Variants in KLHL1 observed in about 807,000 individuals in gnomAD.
The protein encoded by KLHL1 is kelch-like protein 1.
Under a neutral mutation model 77.7 loss-of-function variants are expected in KLHL1, and 47 were observed. The ratio of observed to expected loss-of-function variants is 0.60; its 90% CI spans 0.48 to 0.77. KLHL1 has a LOEUF of 0.77. KLHL1 is among the 30% of genes least tolerant of loss of function. The probability of loss-of-function intolerance (pLI) is 0.00; values close to 1 mark genes in which losing one functional copy is unlikely to be tolerated. For synonymous variants in KLHL1, 360 were observed against 325.2 expected (o/e 1.11, Z -1.15); for missense variants, 925 against 910.8 (o/e 1.02, Z -0.20).
chr13:69,889,389 C>T (rs115924884), intron 4 of KLHL1, among the ~76,000 whole-genome samples: 2,430 of 152,018 alleles, frequency 0.016, 67 homozygotes, highest in African/African-American at 0.055. Flanking sequence ...AAGAGGAGCT[C>T]GCATATAGTC....
chr13:69,758,824 CTA>C (rs1405939615), intron 7 of KLHL1, among the ~76,000 whole-genome samples: 11 of 152,132 alleles, frequency 7.2e-5, no homozygotes, highest in African/African-American at 2.6e-4. Flanking sequence ...TAAACCTAAA[CTA>C]TGTTTAATAA....
chr13:69,969,048 T>C (rs949589408), intron 2 of KLHL1, among the ~76,000 whole-genome samples: 1 of 95,948 alleles, frequency 1.0e-5, no homozygotes, highest in African/African-American at 3.8e-5. Context: ...TCTAAAACTT[T>C]TTAGGAGATT....
chr13:69,858,206 T>A (rs1002232454), intron 5 of KLHL1, among the ~76,000 whole-genome samples: 1 of 151,954 alleles, frequency 6.6e-6, no homozygotes, highest in East Asian at 1.9e-4. Flanking sequence ...GAAAAACATC[T>A]CCATCCACTA....
chr13:70,011,926 A>G (rs1290055634), intron 1 of KLHL1, among the ~76,000 whole-genome samples: 2 of 152,190 alleles, frequency 1.3e-5, no homozygotes, highest in Non-Finnish European at 2.9e-5. Flanking sequence ...AGGCTTCACA[A>G]TCATGGTGGA....
chr13:69,766,290 T>G (rs1205066863), intron 7 of KLHL1, among the ~76,000 whole-genome samples: 1 of 151,040 alleles, frequency 6.6e-6, no homozygotes, highest in Non-Finnish European at 1.5e-5. Context: ...CTACAAGAGT[T>G]GTTTTTCATT....
At chr13:69,856,847 T>C (rs1879938738) in intron 5 of KLHL1, among the ~76,000 whole-genome samples, 1 of 152,084 alleles carries the variant, frequency 6.6e-6, no homozygotes, top group Non-Finnish European at 1.5e-5. Context: ...AGATAAAATT[T>C]GGCCCATTTT....
At chr13:69,835,666 T>C (rs924112011) in intron 6 of KLHL1, among the ~76,000 whole-genome samples, 2 of 152,208 alleles carry the variant, frequency 1.3e-5, no homozygotes, top group Non-Finnish European at 2.9e-5. Flanking sequence ...AAATTAATTA[T>C]GACTTTAAAA....
intron 5 of KLHL1, among the ~76,000 whole-genome samples, chr13:69,860,737 C>T (rs1409542498): frequency 7.3e-6 from 1 of 136,630 alleles, no homozygotes; most frequent in Non-Finnish European, 1.6e-5. Context: ...TCAAAGTTTA[C>T]AAATTCTATT....
At chr13:69,980,934 ATG>A (rs1289010608) in intron 1 of KLHL1, among the ~76,000 whole-genome samples, 1 of 152,152 alleles carries the variant, frequency 6.6e-6, no homozygotes, top group Admixed American at 6.6e-5. Context: ...TCAGTTTGTT[ATG>A]TGTTTTTGTT....
chr13:69,873,000 AT>A (rs1343936172), intron 5 of KLHL1, among the ~76,000 whole-genome samples: 1 of 152,160 alleles, frequency 6.6e-6, no homozygotes, highest in Non-Finnish European at 1.5e-5. Flanking sequence ...TCCTTATAAA[AT>A]TATCTATGCA....
At chr13:69,909,916 C>T (rs1882178740) in intron 4 of KLHL1, among the ~76,000 whole-genome samples, 1 of 152,072 alleles carries the variant, frequency 6.6e-6, no homozygotes, top group African/African-American at 2.4e-5. Flanking sequence ...GTGGAGTCCT[C>T]CTTAAGTTCC....
chr13:69,785,015 A>G (rs1250732934), intron 7 of KLHL1, among the ~76,000 whole-genome samples: 12 of 143,814 alleles, frequency 8.3e-5, no homozygotes, highest in Non-Finnish European at 1.4e-4. Flanking sequence ...TCAGCCTCCC[A>G]AGTAGCTGGG....
At chr13:70,100,344 A>G (rs1425132943) in intron 1 of KLHL1, among the ~76,000 whole-genome samples, 1 of 152,166 alleles carries the variant, frequency 6.6e-6, no homozygotes, top group Admixed American at 6.5e-5. Context: ...ATATAGAAAT[A>G]CAATTGAATT....
chr13:69,718,861 C>A (rs1281468012), intron 9 of KLHL1, among the ~76,000 whole-genome samples: 2 of 152,044 alleles, frequency 1.3e-5, no homozygotes, highest in Non-Finnish European at 2.9e-5. Context: ...AATATAGCTC[C>A]AATCAGTCTG....
intron 3 of KLHL1, among the ~76,000 whole-genome samples, chr13:69,949,503 G>C (rs1593978960): frequency 6.6e-6 from 1 of 151,606 alleles, no homozygotes; most frequent in Non-Finnish European, 1.5e-5. Context: ...TCTTGATCAC[G>C]TGCGGAGGTA....
intron 1 of KLHL1, among the ~76,000 whole-genome samples, chr13:70,092,583 ATAT>A (rs1328044481): frequency 2.0e-5 from 3 of 152,290 alleles, no homozygotes; most frequent in South Asian, 2.1e-4. Flanking sequence ...ATAGCACTTG[ATAT>A]TATAATGATT....
chr13:69,767,749 C>A (rs2137976441), intron 7 of KLHL1, among the ~76,000 whole-genome samples: 1 of 152,126 alleles, frequency 6.6e-6, no homozygotes, highest in Admixed American at 6.5e-5. Context: ...ACATCATATT[C>A]TTCAGTAGGC....
chr13:69,881,199 A>G (rs1354023467), intron 5 of KLHL1, among the ~76,000 whole-genome samples: 1 of 152,132 alleles, frequency 6.6e-6, no homozygotes, highest in African/African-American at 2.4e-5. Flanking sequence ...CAAAGGATAT[A>G]TAATTATCAC....
chr13:70,003,516 T>C (rs556135192), intron 1 of KLHL1, among the ~76,000 whole-genome samples: 2 of 151,866 alleles, frequency 1.3e-5, no homozygotes, highest in South Asian at 4.1e-4. Flanking sequence ...ATGTGCAAAA[T>C]GTCATATTCA....
Sources: allele counts gnomAD v4.1 joint callset (sites outside exome capture counted in the v4.1 genomes callset), GRCh38; gene constraint gnomAD v4.1.1; transcripts MANE v1.5; gene names NCBI Gene and HGNC (gene_info 2026-07-23, HGNC 2026-07-21).